Variants in TENM2 observed in about 807,000 individuals in gnomAD.
TENM2 encodes the protein teneurin transmembrane protein 2.
Under a neutral mutation model 245.2 loss-of-function variants are expected in TENM2, and 52 were observed. The observed-to-expected ratio is 0.21, with a 90% confidence interval of 0.17 to 0.27. The LOEUF (loss-of-function observed/expected upper bound fraction) is 0.27. Among genes scored for constraint, TENM2 ranks in the 10% least tolerant of loss-of-function variants. TENM2 has a pLI of 1.00. For synonymous variants in TENM2, 1,363 were observed against 1,438.9 expected, an observed-to-expected ratio of 0.95 and a Z score of 1.19; for missense variants, 3,046 against 3,666.8, an observed-to-expected ratio of 0.83 and a Z score of 4.37.
At chr5:168,204,513 C>T in exon 19 of TENM2, 2 of 1,614,048 alleles carry the variant, frequency 1.2e-6, no homozygotes, top group Non-Finnish European at 1.7e-6. Flanking sequence ...AAGCTGCTGG[C>T]CCCAGTGGCT....
the TENM2 span, among the ~76,000 whole-genome samples, chr5:167,128,784 G>A: frequency 2.0e-5 from 3 of 152,070 alleles, no homozygotes; most frequent in Non-Finnish European, 2.9e-5. Flanking sequence ...TGACCTGGAC[G>A]GTACACACTT....
At chr5:167,385,391 G>T (rs1561913529) in intron 2 of TENM2, among the ~76,000 whole-genome samples, 2 of 144,386 alleles carry the variant, frequency 1.4e-5, no homozygotes, top group African/African-American at 5.1e-5. Context: ...CAAGCTTTCT[G>T]CTTGTCTTTA....
At chr5:167,423,915 A>G (rs186823757) in intron 2 of TENM2, among the ~76,000 whole-genome samples, 1 of 151,952 alleles carries the variant, frequency 6.6e-6, no homozygotes, top group Admixed American at 6.6e-5. Flanking sequence ...AACCTCCTCA[A>G]CCCCTTAAAT....
chr5:167,223,862 C>A, the TENM2 span, among the ~76,000 whole-genome samples: 1 of 151,962 alleles, frequency 6.6e-6, no homozygotes, highest in Non-Finnish European at 1.5e-5. Flanking sequence ...TATTTGTTGT[C>A]ATTTTTTAAT....
chr5:168,067,502 A>T (rs963447171), intron 7 of TENM2, among the ~76,000 whole-genome samples: 1 of 152,178 alleles, frequency 6.6e-6, no homozygotes, highest in Non-Finnish European at 1.5e-5. Flanking sequence ...CCCTAATGAC[A>T]TTTTTTAAAA....
chr5:168,098,922 A>AT (rs547425335), intron 9 of TENM2, among the ~76,000 whole-genome samples: 140 of 152,020 alleles, frequency 9.2e-4, no homozygotes, highest in African/African-American at 3.0e-3. Flanking sequence ...ATTTTATTTT[A>AT]TTTTTTTGAG....
At chr5:168,059,690 A>C (rs1437435047) in intron 6 of TENM2, among the ~76,000 whole-genome samples, 1 of 151,988 alleles carries the variant, frequency 6.6e-6, no homozygotes, top group Non-Finnish European at 1.5e-5. Context: ...TTTTAAAGTA[A>C]AATTTAGTTT....
intron 12 of TENM2, among the ~76,000 whole-genome samples, chr5:168,152,969 G>T (rs961440807): frequency 6.6e-6 from 1 of 152,208 alleles, no homozygotes; most frequent in Non-Finnish European, 1.5e-5. Flanking sequence ...CCTGTGGGAA[G>T]CTTTTCCTTT....
At chr5:167,438,299 C>G (rs1171885773) in intron 2 of TENM2, among the ~76,000 whole-genome samples, 1 of 152,186 alleles carries the variant, frequency 6.6e-6, no homozygotes, top group African/African-American at 2.4e-5. Context: ...TCGCCTCTCC[C>G]TTTTTACTTT....
intron 14 of TENM2, among the ~76,000 whole-genome samples, chr5:168,191,028 G>A (rs959726928): frequency 6.6e-6 from 1 of 151,908 alleles, no homozygotes; most frequent in Non-Finnish European, 1.5e-5. Context: ...GAGCACCTAG[G>A]ATGAGCCAGA....
intron 19 of TENM2, among the ~76,000 whole-genome samples, chr5:168,208,667 G>T (rs780242234): frequency 6.6e-6 from 1 of 152,330 alleles, no homozygotes; most frequent in African/African-American, 2.4e-5. Context: ...GGAAAGAAAA[G>T]TCATGAAGCA....
intron 2 of TENM2, among the ~76,000 whole-genome samples, chr5:167,452,283 G>A (rs562247217): frequency 1.3e-5 from 2 of 152,254 alleles, no homozygotes; most frequent in African/African-American, 2.4e-5. Flanking sequence ...TGTGGTCCTA[G>A]ACTGGAAGGT....
chr5:167,637,436 A>G (rs1172428001), intron 2 of TENM2, among the ~76,000 whole-genome samples: 1 of 152,224 alleles, frequency 6.6e-6, no homozygotes, highest in Non-Finnish European at 1.5e-5. Flanking sequence ...AAAAATTAGA[A>G]TTTAGACCAT....
At chr5:167,220,569 G>A in the TENM2 span, among the ~76,000 whole-genome samples, 2 of 152,110 alleles carry the variant, frequency 1.3e-5, no homozygotes, top group Non-Finnish European at 2.9e-5. Context: ...GCTGCAAGGG[G>A]CACCTATGTT....
chr5:167,606,277 T>A (rs1272667406), intron 2 of TENM2, among the ~76,000 whole-genome samples: 1 of 152,042 alleles, frequency 6.6e-6, no homozygotes, highest in Non-Finnish European at 1.5e-5. Flanking sequence ...GACACTTATA[T>A]CACACAGTTC....
chr5:168,223,606 A>G (rs1763868637), intron 23 of TENM2, among the ~76,000 whole-genome samples: 1 of 151,672 alleles, frequency 6.6e-6, no homozygotes, highest in South Asian at 2.1e-4. Flanking sequence ...CACTGGGACT[A>G]CAGGCACACG....
At chr5:167,162,341 A>T in the TENM2 span, among the ~76,000 whole-genome samples, 3 of 152,156 alleles carry the variant, frequency 2.0e-5, no homozygotes, top group Admixed American at 6.5e-5. Context: ...ATGTTGAAAC[A>T]TAAAAGCCGG....
At chr5:167,091,995 G>A in the TENM2 span, among the ~76,000 whole-genome samples, 1 of 152,172 alleles carries the variant, frequency 6.6e-6, no homozygotes, top group Non-Finnish European at 1.5e-5. Flanking sequence ...TCATTTAACA[G>A]CAGGTTCTGG....
At chr5:167,038,368 G>A in the TENM2 span, among the ~76,000 whole-genome samples, 1 of 152,300 alleles carries the variant, frequency 6.6e-6, no homozygotes, top group Non-Finnish European at 1.5e-5. Flanking sequence ...AACAGAGGAA[G>A]GGGAGAAATG....
Sources: allele counts gnomAD v4.1 joint callset (sites outside exome capture counted in the v4.1 genomes callset), GRCh38; gene constraint gnomAD v4.1.1; transcripts MANE v1.5; gene names NCBI Gene and HGNC (gene_info 2026-07-23, HGNC 2026-07-21).